PCLO: variants seen among roughly 807,000 people sequenced by gnomAD.
PCLO encodes piccolo presynaptic cytomatrix protein.
A neutral mutation model predicts 427.5 loss-of-function variants in PCLO; 82 were observed. That is an observed-to-expected ratio of 0.19 (90% CI 0.16 to 0.23). The LOEUF (loss-of-function observed/expected upper bound fraction) is 0.23, where lower values mean the gene tolerates loss of function less well. Among genes scored for constraint, PCLO ranks in the 10% least tolerant of loss-of-function variants. The pLI, the probability that PCLO is intolerant of heterozygous loss-of-function variation, is 1.00. For synonymous variants in PCLO, 2,357 were observed against 2,155.4 expected, an observed-to-expected ratio of 1.09 and a Z score of -2.59; for missense variants, 6,239 against 6,115.9, an observed-to-expected ratio of 1.02 and a Z score of -0.67.
At chr7:83,107,986 TAAAAA>T (rs58192300) in intron 3 of PCLO, among the ~76,000 whole-genome samples, 6 of 95,410 alleles carry the variant, frequency 6.3e-5, no homozygotes, top group African/African-American at 1.8e-4. Context: ...AGACTCCGTC[TAAAAA>T]AAAAAAAAAA....
At chr7:82,916,939 A>G (rs1794482412) in intron 6 of PCLO, 66 bp from the exon 7 acceptor site, 1 of 1,041,090 alleles carries the variant, frequency 9.6e-7, no homozygotes, top group South Asian at 2.0e-5. Flanking sequence ...ATCTACTTCC[A>G]TGAATTATAT....
At position 83,162,486 on chromosome 7, in the gene PCLO, G is replaced by A. The variant is rs1449411880; in HGVS notation, c.107C>T (p.Ala36Val). 2.5e-6 allele frequency: 4 copies of A among 1,577,136 alleles called. No individual in the cohort carries two copies. The highest frequency in any genetic ancestry group is 3.4e-6 in the Non-Finnish European group (4 of 1,161,314). ...ASGAGSPSHT[A>V]IPAGMEADLS... ...ATCCGCCTCCATGCCGGCCGGGATC[G>A]CGGTGTGAGAGGGGCTCCCCGCCCC... Residue 36 changes from alanine to valine, a missense_variant, in exon 1 of 25, where the codon GCG becomes GTG. This residue lies in a region of PCLO where 4,677 missense variants were observed against 4,468.4 expected (regional missense o/e 1.05). Transcript: ENST00000333891.
intron 3 of PCLO, among the ~76,000 whole-genome samples, chr7:83,101,694 G>A (rs780679848): frequency 1.1e-4 from 17 of 152,054 alleles, no homozygotes; most frequent in Admixed American, 3.3e-4. Context: ...TTTCAGTGCC[G>A]CAGTGGCTGA....
chr7:83,146,076 G>A (rs1482924898), intron 2 of PCLO, among the ~76,000 whole-genome samples: 2 of 152,174 alleles, frequency 1.3e-5, no homozygotes, highest in East Asian at 1.9e-4. Flanking sequence ...CATATAAAGT[G>A]CTTCGTGCAC....
chr7:82,791,393 T>G (rs1397877309), intron 22 of PCLO, among the ~76,000 whole-genome samples: 2 of 152,212 alleles, frequency 1.3e-5, no homozygotes, highest in African/African-American at 4.8e-5. Context: ...GAAATCACAA[T>G]GGTGTGCTAT....
Position 82,946,672 on chromosome 7 carries a change from G to A in PCLO, c.11112+2804C>T, listed in dbSNP as rs1795211385. On this transcript the variant is annotated intron_variant, in intron 6 of 24. Transcript: ENST00000333891. ...GCATGGCCTGTGGTCGGAGCAGAGT[G>A]AGGAGGGGAGAAAGTCTGGAGAGTG... Among the ~76,000 whole-genome samples the A allele has an allele frequency of 2.0e-5, 3 of 152,244 alleles. No individual in the cohort carries two copies. In the South Asian group the frequency reaches 6.2e-4, roughly 32 times the overall value.
At chr7:82,929,250 G>A (rs1794786681) in intron 6 of PCLO, among the ~76,000 whole-genome samples, 2 of 152,076 alleles carry the variant, frequency 1.3e-5, no homozygotes, top group Non-Finnish European at 2.9e-5. Context: ...CATGTAGTAA[G>A]CATTATTAAC....
intron 3 of PCLO, among the ~76,000 whole-genome samples, chr7:83,088,904 A>T (rs1198290870): frequency 6.6e-6 from 1 of 152,196 alleles, no homozygotes; most frequent in Non-Finnish European, 1.5e-5. Flanking sequence ...TGAAAAATCA[A>T]AAGTGATCAT....
At chr7:82,864,703 T>C (rs1279730488) in intron 10 of PCLO, among the ~76,000 whole-genome samples, 1 of 152,096 alleles carries the variant, frequency 6.6e-6, no homozygotes, top group Non-Finnish European at 1.5e-5. Flanking sequence ...TATTCAGTTA[T>C]GTAATTGCCT....
Position 82,952,130 on chromosome 7 carries a change from A to C in PCLO, c.8823T>G (p.Cys2941Trp). 6.2e-7 allele frequency: 1 copy of C among 1,613,298 alleles called. No homozygotes were observed. The highest frequency in any genetic ancestry group is 8.5e-7 in the Non-Finnish European group (1 of 1,179,778). The change falls in exon 5 of 25, where the codon TGT becomes TGG. Residue 2941 changes from cysteine to tryptophan, a missense_variant. Transcript: ENST00000333891. ...DLTAGRRAVC[C>W]DVVYKLPFGR... ...CAAATGGTAATTTATAAACCACATC[A>C]CAGCACACAGCTCTTCTCCCTGCGG...
chr7:82,805,724 G>A lies in PCLO; in HGVS notation c.14897C>T (p.Thr4966Ile). 3 of 1,612,920 alleles carry A rather than the reference G, an allele frequency of 1.9e-6. No homozygotes were observed. Among genetic ancestry groups the A allele is most frequent in the Non-Finnish European group, 2.5e-6 (3 of 1,179,438 alleles). The change falls in exon 21 of 25, where the codon ACT becomes ATT. Residue 4966 changes from threonine (T) to isoleucine (I), a missense_variant. Thr to Ile is a moderately conservative substitution (Grantham distance 89, BLOSUM62 -1). Around this residue, in one of 5 missense-constraint regions of PCLO, gnomAD observed 877 missense variants for 925.5 expected, o/e 0.95. Transcript: ENST00000333891. Reference sequence around the variant, plus strand: ...AGGAAATAGATTAGTCTCCCCTGCAGTGCTGCTGCTTCCTTCACTGTCCAC... The same window carrying A: ...AGGAAATAGATTAGTCTCCCCTGCAATGCTGCTGCTTCCTTCACTGTCCAC... ...YSVDSEGSSS[T>I]AGETNLFPIP...
At chr7:83,130,361 G>A (rs952934356) in intron 3 of PCLO, among the ~76,000 whole-genome samples, 2 of 152,144 alleles carry the variant, frequency 1.3e-5, no homozygotes, top group East Asian at 3.9e-4. Flanking sequence ...ATTTCTAGTA[G>A]AGACAGGATT....
At chr7:83,101,752 C>T (rs1041729328) in intron 3 of PCLO, among the ~76,000 whole-genome samples, 2 of 152,134 alleles carry the variant, frequency 1.3e-5, no homozygotes. Context: ...CTTTGCCAAT[C>T]ACGAGGCAAT....
chr7:83,119,643 C>A (rs1192817560), intron 3 of PCLO, among the ~76,000 whole-genome samples: 1 of 151,800 alleles, frequency 6.6e-6, no homozygotes, highest in Admixed American at 6.6e-5. Flanking sequence ...TGAACATCCA[C>A]AAACATAAAA....
intron 10 of PCLO, among the ~76,000 whole-genome samples, chr7:82,868,417 T>A (rs949629567): frequency 6.3e-4 from 96 of 152,204 alleles, no homozygotes; most frequent in African/African-American, 2.3e-3. Context: ...CTTCAATCCC[T>A]GATTCTCAGC....
In PCLO at chr7:82,952,801, C is replaced by T. The variant is rs549463396; in HGVS notation, c.8152G>A (p.Asp2718Asn). 6.2e-7 allele frequency: 1 copy of T among 1,613,634 alleles called. No homozygotes were observed. The highest frequency in any genetic ancestry group is 1.1e-5 in the South Asian group (1 of 91,058). The change falls in exon 5 of 25, where the codon GAT becomes AAT. Residue 2718 changes from aspartate (D) to asparagine (N), a missense_variant. By Grantham distance (23) the Asp-to-Asn change is conservative. This residue lies in a region of PCLO where 4,677 missense variants were observed against 4,468.4 expected (regional missense o/e 1.05). Coordinates refer to ENST00000333891, the MANE Select transcript of PCLO (RefSeq NM_033026.6). ...TCACCAACAAGTTGCAATTTTCCAT[C>T]TTCTTTATACTGAGGCTTCTCTAAA... ...IHLEKPQYKEDGKLQLVGDVI... is the reference protein window; with the variant it reads ...IHLEKPQYKENGKLQLVGDVI...
intron 3 of PCLO, among the ~76,000 whole-genome samples, chr7:83,096,932 T>TAAATATATAAA (rs1316442592): frequency 1.5e-5 from 1 of 64,706 alleles, no homozygotes; most frequent in African/African-American, 6.9e-5. Context: ...TAATATAATA[T>TAAATATATAAA]AATATATTAT....
intron 10 of PCLO, among the ~76,000 whole-genome samples, chr7:82,875,862 A>C (rs1793356726): frequency 6.6e-6 from 1 of 152,138 alleles, no homozygotes; most frequent in Non-Finnish European, 1.5e-5. Context: ...AGTCTGTGAT[A>C]AGAGAAATGA....
chr7:83,044,140 G>T (rs1789045713), intron 3 of PCLO, among the ~76,000 whole-genome samples: 1 of 151,918 alleles, frequency 6.6e-6, no homozygotes, highest in Non-Finnish European at 1.5e-5. Flanking sequence ...TGGCAGGGGA[G>T]AGACAGCAAG....
Sources: allele counts gnomAD v4.1 joint callset (sites outside exome capture counted in the v4.1 genomes callset), GRCh38; gene constraint gnomAD v4.1.1; regional missense constraint gnomAD v4.1.1; transcripts MANE v1.5; gene names NCBI Gene and HGNC (gene_info 2026-07-23, HGNC 2026-07-21).